Variants in GRIK1 observed in about 807,000 individuals in gnomAD.
GRIK1 encodes glutamate ionotropic receptor kainate type subunit 1.
GRIK1 carries 69 observed loss-of-function variants against 105.7 expected under a neutral mutation model. That is an observed-to-expected ratio of 0.65 (90% CI 0.54 to 0.80). The LOEUF is 0.80. GRIK1 is among the 30% of genes least tolerant of loss of function. The pLI is 0.00. For missense variants in GRIK1, 1,109 were observed against 1,167.3 expected (o/e 0.95, Z 0.73); for synonymous variants, 438 against 431.3 (o/e 1.02, Z -0.19).
At chr21:29,855,200 T>C (rs1297872192) in intron 1 of GRIK1, among the ~76,000 whole-genome samples, 1 of 152,118 alleles carries the variant, frequency 6.6e-6, no homozygotes, top group African/African-American at 2.4e-5. Context: ...GAAGCAGTGG[T>C]GAAAAAGCTA....
intron 1 of GRIK1, among the ~76,000 whole-genome samples, chr21:29,893,156 G>T (rs903128672): frequency 6.6e-6 from 1 of 152,182 alleles, no homozygotes; most frequent in Non-Finnish European, 1.5e-5. Flanking sequence ...AGGAAATTGA[G>T]ACTTTAAGAG....
intron 1 of GRIK1, among the ~76,000 whole-genome samples, chr21:29,756,153 G>T (rs921039750): frequency 4.6e-5 from 7 of 152,254 alleles, no homozygotes; most frequent in African/African-American, 1.4e-4. Flanking sequence ...AGGCCGAGGC[G>T]GGCGGATCAC....
Position 29,598,941 on chromosome 21 carries a change from T to C in GRIK1, c.1099-4A>G, listed in dbSNP as rs757374388. ...CAGTCAAGCCATCCCACCGGGCCTG[T>C]GGACAAGAAGAAATGTGGCTGTTAT... On this transcript the variant is annotated splice_region_variant and splice_polypyrimidine_tract_variant and intron_variant, in intron 7 of 17. Transcript: ENST00000327783. 7.1e-7 allele frequency: 1 copy of C among 1,417,832 alleles called. No individual in the cohort carries two copies. The highest frequency in any genetic ancestry group is 1.8e-4 in the Middle Eastern group (1 of 5,616). 87.8% of individuals were successfully genotyped at this position (1,417,832 alleles called of 1,614,324 possible).
chr21:29,537,497 C>G, intron 17 of GRIK1, 112 bp from the exon 18 acceptor site: 5 of 863,406 alleles, frequency 5.8e-6, no homozygotes, highest in Non-Finnish European at 9.0e-6. Context: ...GAAGGCAGCT[C>G]TGTCACAATT....
At chr21:29,759,777 C>A (rs979374627) in intron 1 of GRIK1, among the ~76,000 whole-genome samples, 1 of 152,182 alleles carries the variant, frequency 6.6e-6, no homozygotes, top group South Asian at 2.1e-4. Flanking sequence ...GTCCATTATA[C>A]AAAGCTGATC....
chr21:29,701,368 G>T (rs953303944), intron 1 of GRIK1, among the ~76,000 whole-genome samples: 1 of 152,196 alleles, frequency 6.6e-6, no homozygotes, highest in East Asian at 1.9e-4. Flanking sequence ...CCACTCTGAA[G>T]ATACTGGGAG....
rs76263059 is a variant in GRIK1, at chr21:29,714,699, G to C, written c.119-20636C>G. ...GCACCTCAGGCAATGTCATTGCAAG[G>C]GCTGGGGAAAGGATTCCAAAACCCA... On this transcript the variant is annotated intron_variant, in intron 1 of 17. Transcript: ENST00000327783. Among the ~76,000 whole-genome samples the C allele has an allele frequency of 7.6e-4, 116 of 152,182 alleles. 4 individuals carry two copies. In the East Asian group the frequency reaches 0.019, roughly 25 times the overall value.
chr21:29,863,167 A>G (rs1338855669), intron 1 of GRIK1, among the ~76,000 whole-genome samples: 1 of 152,258 alleles, frequency 6.6e-6, no homozygotes, highest in Non-Finnish European at 1.5e-5. Context: ...ATAACTGAAC[A>G]GTATATGTGT....
intron 1 of GRIK1, among the ~76,000 whole-genome samples, chr21:29,796,714 C>T (rs1384519937): frequency 6.6e-6 from 1 of 151,946 alleles, no homozygotes; most frequent in African/African-American, 2.4e-5. Context: ...TTTGGGAGGC[C>T]GAGGTGAGCA....
At chr21:29,848,876 G>A (rs990151944) in intron 1 of GRIK1, among the ~76,000 whole-genome samples, 3 of 146,816 alleles carry the variant, frequency 2.0e-5, no homozygotes, top group South Asian at 2.1e-4. Context: ...CTTAAATGTC[G>A]TCTCTTATGG....
At chr21:29,711,224 G>A (rs532861460) in intron 1 of GRIK1, among the ~76,000 whole-genome samples, 1 of 152,060 alleles carries the variant, frequency 6.6e-6, no homozygotes, top group Non-Finnish European at 1.5e-5. Flanking sequence ...ATATATGAAG[G>A]TTATCCTATA....
intron 1 of GRIK1, among the ~76,000 whole-genome samples, chr21:29,848,914 T>C (rs549121853): frequency 6.6e-6 from 1 of 151,680 alleles, no homozygotes; most frequent in Non-Finnish European, 1.5e-5. Flanking sequence ...CCTATTCAAA[T>C]AGATTTTCGG....
chr21:29,628,408 T>G (rs957310853), intron 7 of GRIK1, among the ~76,000 whole-genome samples: 14 of 152,232 alleles, frequency 9.2e-5, no homozygotes, highest in Admixed American at 6.5e-4. Flanking sequence ...CAATAACAGC[T>G]TGCATGGATC....
intron 1 of GRIK1, among the ~76,000 whole-genome samples, chr21:29,800,183 T>C (rs2066664632): frequency 6.6e-6 from 1 of 152,198 alleles, no homozygotes. Flanking sequence ...GATCTGGCTT[T>C]CTTAAAGCCT....
At chr21:29,924,285 C>T (rs1488597431) in intron 1 of GRIK1, among the ~76,000 whole-genome samples, 8 of 147,982 alleles carry the variant, frequency 5.4e-5, no homozygotes, top group African/African-American at 1.5e-4. Context: ...TGCAGTGAGC[C>T]GAGATCATGC....
chr21:29,831,111 G>A (rs905215091), intron 1 of GRIK1, among the ~76,000 whole-genome samples: 2 of 152,072 alleles, frequency 1.3e-5, no homozygotes, highest in Admixed American at 6.6e-5. Context: ...TAAAAATATT[G>A]GATACTGAAG....
intron 1 of GRIK1, among the ~76,000 whole-genome samples, chr21:29,797,836 T>C (rs2066599579): frequency 6.6e-6 from 1 of 152,186 alleles, no homozygotes; most frequent in African/African-American, 2.4e-5. Context: ...TCCCACTAGA[T>C]GAGGTTTCCT....
At chr21:29,733,870 G>A (rs1164355947) in intron 1 of GRIK1, among the ~76,000 whole-genome samples, 1 of 152,032 alleles carries the variant, frequency 6.6e-6, no homozygotes, top group African/African-American at 2.4e-5. Flanking sequence ...GACATTTTTA[G>A]TATATGGATA....
At chr21:29,719,586 G>C (rs917843818) in intron 1 of GRIK1, among the ~76,000 whole-genome samples, 4 of 151,642 alleles carry the variant, frequency 2.6e-5, no homozygotes, top group African/African-American at 9.7e-5. Flanking sequence ...AGAAACATGG[G>C]CTCACAGAGA....
Sources: allele counts gnomAD v4.1 joint callset (sites outside exome capture counted in the v4.1 genomes callset), GRCh38; gene constraint gnomAD v4.1.1; transcripts MANE v1.5; gene names NCBI Gene and HGNC (gene_info 2026-07-23, HGNC 2026-07-21).